OR56A3: variants seen among roughly 807,000 people sequenced by gnomAD.
The protein encoded by OR56A3 is olfactory receptor family 56 subfamily A member 3, also known as olfactory receptor 56A3.
In OR56A3, 23 loss-of-function variants were observed where a neutral mutation model predicts 17.5. The observed-to-expected ratio is 1.32, with a 90% confidence interval of 0.95 to 1.87. The LOEUF (loss-of-function observed/expected upper bound fraction) is 1.87. Among genes scored for constraint, OR56A3 ranks in the 40% most tolerant of loss-of-function variants. OR56A3 has a pLI of 0.00. For missense variants in OR56A3, 366 were observed against 380.1 expected (o/e 0.96, Z 0.31); for synonymous variants, 175 against 150.6 (o/e 1.16, Z -1.19).
At chr11:6,008,472 A>G in the OR56A3 span, among the ~76,000 whole-genome samples, 2 of 152,116 alleles carry the variant, frequency 1.3e-5, no homozygotes, top group Non-Finnish European at 2.9e-5. Context: ...TTATCCTCAG[A>G]ATTTCTTATA....
downstream of OR56A3, among the ~76,000 whole-genome samples, chr11:5,951,901 A>G (rs970715180): frequency 6.6e-6 from 1 of 152,218 alleles, no homozygotes; most frequent in East Asian, 1.9e-4. Context: ...AATGTTATGA[A>G]GAAAATAGTA....
the OR56A3 span, among the ~76,000 whole-genome samples, chr11:5,976,417 G>A: frequency 6.6e-6 from 1 of 152,098 alleles, no homozygotes; most frequent in Non-Finnish European, 1.5e-5. Context: ...TTTCCTTACG[G>A]TGTTTGGTGG....
At chr11:5,960,675 C>T in the OR56A3 span, among the ~76,000 whole-genome samples, 6 of 152,284 alleles carry the variant, frequency 3.9e-5, no homozygotes, top group South Asian at 2.1e-4. Flanking sequence ...TCTGCCCGGC[C>T]GCCACCCCGT....
At chr11:5,988,567 G>A in the OR56A3 span, among the ~76,000 whole-genome samples, 6 of 152,064 alleles carry the variant, frequency 3.9e-5, no homozygotes, top group African/African-American at 1.4e-4. Flanking sequence ...GTAAAGTCTT[G>A]ATATCTAGAT....
the OR56A3 span, among the ~76,000 whole-genome samples, chr11:6,016,802 T>C: frequency 7.2e-6 from 1 of 139,262 alleles, no homozygotes; most frequent in Non-Finnish European, 1.5e-5. Flanking sequence ...AATGAGAAAT[T>C]CAACAAAGAG....
the OR56A3 span, among the ~76,000 whole-genome samples, chr11:5,984,485 G>A: frequency 4.6e-5 from 7 of 152,120 alleles, no homozygotes; most frequent in Non-Finnish European, 8.8e-5. Context: ...TTTCTGTCTT[G>A]TGATCCAAGA....
chr11:5,962,327 A>T, the OR56A3 span, among the ~76,000 whole-genome samples: 18 of 152,148 alleles, frequency 1.2e-4, no homozygotes, highest in Admixed American at 5.9e-4. Flanking sequence ...ATCCATTTTC[A>T]TCAGGGATGT....
At chr11:6,009,824 C>T in the OR56A3 span, among the ~76,000 whole-genome samples, 7 of 152,178 alleles carry the variant, frequency 4.6e-5, no homozygotes, top group Non-Finnish European at 1.0e-4. Context: ...CTCCTCCTCC[C>T]TATTTTCTAC....
chr11:5,998,957 G>A, the OR56A3 span, among the ~76,000 whole-genome samples: 1 of 152,200 alleles, frequency 6.6e-6, no homozygotes, highest in Non-Finnish European at 1.5e-5. Context: ...TTGGAAGCCT[G>A]GTAGCCTTAA....
At chr11:5,975,453 C>T in the OR56A3 span, among the ~76,000 whole-genome samples, 1 of 148,204 alleles carries the variant, frequency 6.7e-6, no homozygotes, top group Non-Finnish European at 1.5e-5. Context: ...TGAGAACATG[C>T]AGTGTTTGGT....
rs1188822466 is a variant in OR56A3, at chr11:5,949,803, G to T, written c.*1509G>T. 6.6e-6 allele frequency: 1 copy of T among 152,034 alleles called. No individual in the cohort carries two copies. The highest frequency in any genetic ancestry group is 2.4e-5 in the African/African-American group (1 of 41,386). 9.4% of individuals were successfully genotyped at this position (152,034 alleles called of 1,614,324 possible). On this transcript the variant is annotated 3_prime_UTR_variant, in exon 3 of 3. Coordinates refer to ENST00000641160, the MANE Select transcript of OR56A3 (RefSeq NM_001003443.3). Reference sequence around the variant, plus strand: ...ATGATAAATTAGTATTTAATTCCTGGATATCCTGGAATTGAAACCTACTGA... The same window carrying T: ...ATGATAAATTAGTATTTAATTCCTGTATATCCTGGAATTGAAACCTACTGA...
chr11:5,968,399 C>A, the OR56A3 span: 1 of 1,611,758 alleles, frequency 6.2e-7, no homozygotes, highest in African/African-American at 1.3e-5. Flanking sequence ...GGCTGAGGGG[C>A]AGAGACAGCC....
the OR56A3 span, chr11:5,967,718 C>G: frequency 6.2e-7 from 1 of 1,612,758 alleles, no homozygotes; most frequent in Non-Finnish European, 8.5e-7. Flanking sequence ...TGACCAGAAC[C>G]AGCAGGACTG....
At chr11:6,014,682 A>G in the OR56A3 span, among the ~76,000 whole-genome samples, 1 of 152,166 alleles carries the variant, frequency 6.6e-6, no homozygotes, top group Non-Finnish European at 1.5e-5. Context: ...GAGGGCTCAG[A>G]AGACAAGAAG....
the OR56A3 span, chr11:5,986,447 T>G: frequency 6.2e-7 from 1 of 1,613,946 alleles, no homozygotes. Flanking sequence ...ACCATTCCGA[T>G]GCGCCCTATG....
At chr11:5,946,263 T>G (rs1468554130) in intron 2 of OR56A3, among the ~76,000 whole-genome samples, 2 of 152,260 alleles carry the variant, frequency 1.3e-5, no homozygotes, top group East Asian at 3.8e-4. Context: ...TGTGCATATC[T>G]CTGACATTGC....
rs183900116 is a variant in OR56A3 at position 5,949,250 on chromosome 11, A to G, written c.*956A>G. ...ATATTGTTGTTGATTTGAGGACCTC[A>G]AAGTTTGGGTAGGAAAAATACAAAT... On this transcript the variant is annotated 3_prime_UTR_variant, in exon 3 of 3. Coordinates refer to ENST00000641160, the MANE Select transcript of OR56A3 (RefSeq NM_001003443.3). 1.2e-4 allele frequency: 18 copies of G among 152,350 alleles called. No individual in the cohort carries two copies. Among genetic ancestry groups the G allele is most frequent in the Admixed American group, 1.0e-3 (16 of 15,294 alleles). 9.4% of individuals were successfully genotyped at this position (152,350 alleles called of 1,614,324 possible).
rs772346309 is a variant in OR56A3, at chr11:5,947,699, C to T, written c.353C>T (p.Thr118Ile). 2.5e-6 allele frequency: 4 copies of T among 1,614,190 alleles called. No individual in the cohort carries two copies. In the East Asian group the frequency reaches 6.7e-5, roughly 27 times the overall value. Reference protein sequence around the residue: ...MNCFLAMESCTFMVMAYDRYV... With the variant: ...MNCFLAMESCIFMVMAYDRYV... ...TGTTTCCTAGCCATGGAGTCTTGCA[C>T]ATTCATGGTCATGGCCTATGATCGT... Residue 118 changes from threonine (T) to isoleucine (I), a missense_variant, in exon 3 of 3, where the codon ACA becomes ATA. By Grantham distance (89) the Thr-to-Ile change is moderately conservative. Coordinates refer to ENST00000641160, the MANE Select transcript of OR56A3 (RefSeq NM_001003443.3).
chr11:5,966,333 C>T, the OR56A3 span, among the ~76,000 whole-genome samples: 2 of 151,938 alleles, frequency 1.3e-5, no homozygotes, highest in African/African-American at 4.8e-5. Context: ...AAGATCATGG[C>T]ACTGAACTCC....
Sources: allele counts gnomAD v4.1 joint callset (sites outside exome capture counted in the v4.1 genomes callset), GRCh38; gene constraint gnomAD v4.1.1; transcripts MANE v1.5; gene names NCBI Gene and HGNC (gene_info 2026-07-23, HGNC 2026-07-21).